HEPH: variants seen among roughly 807,000 people sequenced by gnomAD.
The protein encoded by HEPH is hephaestin.
A neutral mutation model predicts 80.8 loss-of-function variants in HEPH; 69 were observed. The observed-to-expected ratio is 0.85, with a 90% CI of 0.70 to 1.04. HEPH has a LOEUF of 1.04. Among genes scored for constraint, HEPH ranks in the 50% least tolerant of loss-of-function variants. The pLI is 0.00. For synonymous variants in HEPH, 431 were observed against 322.8 expected (o/e 1.34, Z -3.60); for missense variants, 1,115 against 891.3 (o/e 1.25, Z -3.20).
chrX:66,195,651 A>T (rs1018865553), intron 9 of HEPH, among the ~76,000 whole-genome samples: 9 of 111,353 alleles, frequency 8.1e-5, no homozygotes, highest in African/African-American at 2.9e-4. Context: ...TTGTTTTTCT[A>T]TGCCATTAAA....
intron 15 of HEPH, among the ~76,000 whole-genome samples, chrX:66,239,933 G>T (rs1346484278): frequency 1.8e-5 from 2 of 111,223 alleles, no homozygotes; most frequent in East Asian, 5.6e-4. Flanking sequence ...TATTTTCTAC[G>T]TTTCTAAGCT....
rs1243930346 is a variant in HEPH at position 66,172,515 on chromosome X, G to T, written c.328G>T (p.Val110Phe). ...GPVLQAEVGD[V>F]ILIHLKNFAT... ...AGTGTTGCAGGCTGAAGTGGGGGAT[G>T]TCATTCTTATTCACCTGAAGAATTT... The change falls in exon 3 of 21, where the codon GTC becomes TTC. Residue 110 changes from valine to phenylalanine, a missense_variant. Coordinates refer to ENST00000343002, the MANE Select transcript of HEPH (RefSeq NM_001367233.3). 2 of 1,210,157 alleles carry T rather than the reference G, an allele frequency of 1.7e-6. No homozygotes were observed. The highest frequency in any genetic ancestry group is 4.4e-5 in the Admixed American group (2 of 45,930).
At chrX:66,202,392 A>T (rs1212743782) in intron 12 of HEPH, among the ~76,000 whole-genome samples, 1 of 111,816 alleles carries the variant, frequency 8.9e-6, no homozygotes, top group Non-Finnish European at 1.9e-5. Flanking sequence ...TAGTGATGGG[A>T]TAAGCACTGA....
At chrX:66,201,232 C>T (rs2088433944) in intron 12 of HEPH, among the ~76,000 whole-genome samples, 1 of 110,270 alleles carries the variant, frequency 9.1e-6, no homozygotes, top group African/African-American at 3.3e-5. Context: ...CCCCTGCCAC[C>T]CCGTGTGTGT....
intron 4 of HEPH, among the ~76,000 whole-genome samples, chrX:66,179,377 C>T (rs1025050998): frequency 3.6e-5 from 4 of 111,429 alleles, no homozygotes; most frequent in Non-Finnish European, 5.7e-5. Context: ...AGTCAGGTAG[C>T]GTCATGCCTC....
At chrX:66,257,597 A>G (rs1363467188) in intron 17 of HEPH, among the ~76,000 whole-genome samples, 1 of 112,451 alleles carries the variant, frequency 8.9e-6, no homozygotes, top group Middle Eastern at 4.6e-3. Context: ...CTTGTCATTG[A>G]CATAGATGGG....
chrX:66,192,713 G>A (rs1334986329), intron 7 of HEPH, among the ~76,000 whole-genome samples: 1 of 111,886 alleles, frequency 8.9e-6, no homozygotes, highest in East Asian at 2.8e-4. Flanking sequence ...CATTTGAGCA[G>A]GGGTATAAAA....
chrX:66,206,984 T>C (rs1208200394), intron 13 of HEPH, among the ~76,000 whole-genome samples: 1 of 107,837 alleles, frequency 9.3e-6, no homozygotes, highest in Non-Finnish European at 1.9e-5. Context: ...GCCATTGCAC[T>C]CCAGCCTGGG....
Position 66,170,568 on chromosome X carries a change from G to T in HEPH, c.-3G>T, listed in dbSNP as rs1230495854. 2 of 1,208,223 alleles carry T rather than the reference G, an allele frequency of 1.7e-6. No individual in the cohort carries two copies. Among genetic ancestry groups the T allele is most frequent in the Admixed American group, 4.4e-5 (2 of 45,836 alleles). On this transcript the variant is annotated 5_prime_UTR_variant, in exon 2 of 21. Transcript: ENST00000343002. ...TTGCCTGTTTCCCAGAGTAATGTGG[G>T]CCATGGAGTCAGGCCACCTCCTCTG... is the stretch of plus-strand genomic sequence containing the variant.
intron 3 of HEPH, among the ~76,000 whole-genome samples, chrX:66,173,100 T>C (rs150661058): frequency 0.018 from 1,967 of 112,175 alleles, 42 homozygotes; most frequent in African/African-American, 0.062. Flanking sequence ...GTCAGAAGAC[T>C]CTGGCTGGGC....
At chrX:66,207,733 G>C (rs937478640) in intron 14 of HEPH, among the ~76,000 whole-genome samples, 1 of 111,352 alleles carries the variant, frequency 9.0e-6, no homozygotes, top group Non-Finnish European at 1.9e-5. Flanking sequence ...GGTACAGAAG[G>C]GACCCACTGA....
At chrX:66,227,095 G>C (rs758002167) in intron 15 of HEPH, among the ~76,000 whole-genome samples, 1 of 111,795 alleles carries the variant, frequency 8.9e-6, no homozygotes, top group East Asian at 2.8e-4. Context: ...TGATCAGGTG[G>C]GTTTCATACA....
At chrX:66,184,546 A>T (rs1267598128) in intron 4 of HEPH, among the ~76,000 whole-genome samples, 3 of 41,193 alleles carry the variant, frequency 7.3e-5, no homozygotes, top group Admixed American at 2.9e-4. Context: ...TTTGTTTTCT[A>T]TTGGCTTGGT....
At chrX:66,233,170 G>T (rs1294953310) in intron 15 of HEPH, among the ~76,000 whole-genome samples, 1 of 111,654 alleles carries the variant, frequency 9.0e-6, no homozygotes, top group East Asian at 2.8e-4. Flanking sequence ...CATACAAACT[G>T]CCTCTGTATA....
At position 66,258,872 on chromosome X, in the gene HEPH, G is replaced by A; in HGVS notation, c.2929G>A (p.Gly977Ser). The change falls in exon 18 of 21, where the codon GGT becomes AGT. Residue 977 changes from glycine (G) to serine (S), a missense_variant. Transcript: ENST00000343002. ...INGKLYANLRGLTMYQGERVA... is the reference protein window; with the variant it reads ...INGKLYANLRSLTMYQGERVA... Reference sequence around the variant, plus strand: ...TGGGAAACTCTATGCCAACCTTAGGGGTCTTACCATGTACCAAGGAGAACG... The same window carrying A: ...TGGGAAACTCTATGCCAACCTTAGGAGTCTTACCATGTACCAAGGAGAACG... The A allele has an allele frequency of 8.4e-7, 1 of 1,183,634 alleles. No individual in the cohort carries two copies.
chrX:66,194,961 C>G (rs1212914350), intron 8 of HEPH, 137 bp from the exon 9 acceptor site: 2 of 405,195 alleles, frequency 4.9e-6, no homozygotes, highest in Non-Finnish European at 7.9e-6. Context: ...AGGAATTGTT[C>G]TTATTATTAC....
chrX:66,215,665 G>T (rs2089355103), intron 15 of HEPH, among the ~76,000 whole-genome samples: 1 of 111,719 alleles, frequency 9.0e-6, no homozygotes, highest in African/African-American at 3.3e-5. Flanking sequence ...GATGGACAGA[G>T]CAGCATGTGA....
intron 15 of HEPH, among the ~76,000 whole-genome samples, chrX:66,250,593 T>C (rs940377575): frequency 9.0e-6 from 1 of 111,599 alleles, no homozygotes; most frequent in Non-Finnish European, 1.9e-5. Context: ...TATATGTATA[T>C]ATATTCTTTG....
At chrX:66,209,836 T>C (rs1456797035) in intron 15 of HEPH, among the ~76,000 whole-genome samples, 1 of 111,373 alleles carries the variant, frequency 9.0e-6, no homozygotes, top group Non-Finnish European at 1.9e-5. Flanking sequence ...GATTGGAGTA[T>C]TGGATGATGA....
Sources: allele counts gnomAD v4.1 joint callset (sites outside exome capture counted in the v4.1 genomes callset), GRCh38; gene constraint gnomAD v4.1.1; transcripts MANE v1.5; gene names NCBI Gene and HGNC (gene_info 2026-07-23, HGNC 2026-07-21).